The following SPAG16 variants were observed in gnomAD, a reference collection of about 807,000 sequenced individuals.
SPAG16 encodes the protein sperm-associated antigen 16 protein.
SPAG16 carries 86 observed loss-of-function variants against 80.4 expected under a neutral mutation model. The observed-to-expected ratio is 1.07, with a 90% CI of 0.90 to 1.28. The LOEUF is 1.28. Among genes scored for constraint, SPAG16 ranks in the 50% most tolerant of loss-of-function variants. SPAG16 has a pLI of 0.00. For synonymous variants in SPAG16, 294 were observed against 265.9 expected (o/e 1.11, Z -1.03); for missense variants, 870 against 765.3 (o/e 1.14, Z -1.61).
chr2:214,016,558 A>G (rs181223294), intron 13 of SPAG16, among the ~76,000 whole-genome samples: 40 of 152,322 alleles, frequency 2.6e-4, no homozygotes, highest in Non-Finnish European at 5.1e-4. Context: ...TTGGCTGTGA[A>G]GATGAATAGG....
chr2:213,577,385 C>A (rs547343183), intron 10 of SPAG16, among the ~76,000 whole-genome samples: 1 of 152,224 alleles, frequency 6.6e-6, no homozygotes, highest in South Asian at 2.1e-4. Context: ...AACTTACATT[C>A]CCTTTTGGGA....
intron 14 of SPAG16, among the ~76,000 whole-genome samples, chr2:214,145,925 G>A (rs533886712): frequency 1.1e-4 from 17 of 152,208 alleles, no homozygotes; most frequent in East Asian, 3.9e-4. Flanking sequence ...TGCTGGAGAT[G>A]CAGTGTTACA....
chr2:213,322,864 G>A (rs888229369), intron 5 of SPAG16, among the ~76,000 whole-genome samples: 3 of 152,156 alleles, frequency 2.0e-5, no homozygotes, highest in African/African-American at 4.8e-5. Context: ...ATTCCAGGCA[G>A]AGGAAAAAGG....
chr2:214,239,640 C>G (rs1333114386), intron 15 of SPAG16: 1 of 152,096 alleles, frequency 6.6e-6, no homozygotes, highest in Non-Finnish European at 1.5e-5. Flanking sequence ...TTGCAGCCTA[C>G]CATGCCAAAC....
chr2:213,856,766 G>C (rs1451381092), intron 10 of SPAG16, among the ~76,000 whole-genome samples: 1 of 152,170 alleles, frequency 6.6e-6, no homozygotes, highest in African/African-American at 2.4e-5. Context: ...ACTGCACAAA[G>C]CAGCAAGTAC....
chr2:214,126,972 C>T (rs556502584), intron 14 of SPAG16, among the ~76,000 whole-genome samples: 2 of 151,886 alleles, frequency 1.3e-5, no homozygotes, highest in South Asian at 4.2e-4. Flanking sequence ...AGTAAGTTCT[C>T]TGTAAGTGTT....
At chr2:214,300,713 G>T (rs1170114406) in intron 15 of SPAG16, among the ~76,000 whole-genome samples, 2 of 151,832 alleles carry the variant, frequency 1.3e-5, no homozygotes, top group Non-Finnish European at 2.9e-5. Flanking sequence ...GAACCAGAAA[G>T]AAATAAAAAT....
chr2:213,382,010 G>A (rs950946639), intron 9 of SPAG16, among the ~76,000 whole-genome samples: 1 of 151,842 alleles, frequency 6.6e-6, no homozygotes, highest in African/African-American at 2.4e-5. Context: ...CTGAATTTGG[G>A]TGGCACATTG....
At chr2:213,795,810 G>A (rs2070989873) in intron 10 of SPAG16, among the ~76,000 whole-genome samples, 1 of 152,132 alleles carries the variant, frequency 6.6e-6, no homozygotes, top group African/African-American at 2.4e-5. Flanking sequence ...AAACGTACCT[G>A]CTTTTCCTTC....
intron 7 of SPAG16, among the ~76,000 whole-genome samples, chr2:213,356,467 T>A (rs1329532768): frequency 6.6e-6 from 1 of 152,250 alleles, no homozygotes; most frequent in Non-Finnish European, 1.5e-5. Flanking sequence ...CTTCCTAGTT[T>A]ATTCTTGTGA....
chr2:213,307,200 T>A (rs1274760143), intron 3 of SPAG16, among the ~76,000 whole-genome samples: 1 of 152,096 alleles, frequency 6.6e-6, no homozygotes, highest in Non-Finnish European at 1.5e-5. Context: ...TTTTTTTTAT[T>A]TTTTTTACTT....
In SPAG16 at chr2:214,007,332, G is replaced by A. The variant is rs184780991; in HGVS notation, c.1401-6619G>A. Among the ~76,000 whole-genome samples the A allele has an allele frequency of 1.9e-4, 29 of 151,320 alleles. No individual in the cohort carries two copies. The East Asian group carries it at 3.9e-3, about 20-fold the overall frequency. On this transcript the variant is annotated intron_variant, in intron 12 of 15. Transcript: ENST00000331683. ...ACAATATGGCCAGGGATGGTGGCTCGTGCCTGCAATCCCAGCATTTTGGGA... is the reference window on the plus strand; with the variant it reads ...ACAATATGGCCAGGGATGGTGGCTCATGCCTGCAATCCCAGCATTTTGGGA...
chr2:213,947,088 A>G (rs561102660), intron 12 of SPAG16, among the ~76,000 whole-genome samples: 7 of 152,006 alleles, frequency 4.6e-5, no homozygotes, highest in Non-Finnish European at 1.5e-5. Context: ...TAGTTTATTT[A>G]TTCACTCCTT....
intron 10 of SPAG16, among the ~76,000 whole-genome samples, chr2:213,684,438 CTCT>C (rs2064560738): frequency 6.6e-6 from 1 of 152,142 alleles, no homozygotes; most frequent in Non-Finnish European, 1.5e-5. Context: ...AGGAAAATAT[CTCT>C]TTTCTTTGAA....
chr2:214,155,535 A>G (rs773791219), intron 15 of SPAG16, among the ~76,000 whole-genome samples: 6 of 151,864 alleles, frequency 4.0e-5, no homozygotes, highest in South Asian at 2.1e-4. Context: ...ACGGGGTCCT[A>G]TGATGTTGCC....
At chr2:214,274,103 T>C (rs1488842205) in intron 15 of SPAG16, among the ~76,000 whole-genome samples, 1 of 152,184 alleles carries the variant, frequency 6.6e-6, no homozygotes, top group East Asian at 1.9e-4. Context: ...TGTTTGTCTG[T>C]TATTGGTGTA....
intron 13 of SPAG16, among the ~76,000 whole-genome samples, chr2:214,054,717 T>C (rs1215976921): frequency 6.6e-6 from 1 of 152,202 alleles, no homozygotes; most frequent in South Asian, 2.1e-4. Context: ...TGTTCCTCTC[T>C]GCTTATATAG....
At chr2:213,520,341 C>G (rs1050575115) in intron 10 of SPAG16, among the ~76,000 whole-genome samples, 1 of 151,992 alleles carries the variant, frequency 6.6e-6, no homozygotes, top group African/African-American at 2.4e-5. Context: ...AATCCCAGCA[C>G]TTTGGGAGGC....
chr2:213,643,767 C>CTTTTTTTTTTTTTT lies in SPAG16; in HGVS notation c.1070+153693_1070+153706dup, dbSNP rs71063764. On this transcript the variant is annotated intron_variant, in intron 10 of 15. Transcript: ENST00000331683. Reference sequence around the variant, plus strand: ...TAGCCTGTCTTCAAGCTCACTACTTCTTTTTTTTTTTTTTTTTTTTTTTTT... The same window carrying CTTTTTTTTTTTTTT: ...TAGCCTGTCTTCAAGCTCACTACTTCTTTTTTTTTTTTTTTTTTTTTTTTTTTTTTTTTTTTTTT... Among the ~76,000 whole-genome samples, 4 of 52,004 alleles carry CTTTTTTTTTTTTTT rather than the reference C, an allele frequency of 7.7e-5. 1 individual carries two copies. Among genetic ancestry groups the CTTTTTTTTTTTTTT allele is most frequent in the African/African-American group, 2.6e-4 (3 of 11,698 alleles). 34.1% of individuals were successfully genotyped at this position (52,004 alleles called of 152,430 possible). A position where few individuals can be genotyped will look rare whatever the true frequency, so the allele number is the denominator to read the frequency against.
Sources: gnomAD v4.1 joint callset for allele counts (sites outside exome capture counted in the v4.1 genomes callset) on GRCh38, gnomAD v4.1.1 for gene constraint, MANE v1.5 for transcripts, NCBI Gene and HGNC (gene_info 2026-07-23, HGNC 2026-07-21) for gene names.